The following SLC35F3 variants were observed in gnomAD, a reference collection of about 807,000 sequenced individuals.
SLC35F3 encodes the protein putative thiamine transporter SLC35F3.
In SLC35F3, 25 loss-of-function variants were observed where a neutral mutation model predicts 49.9. That is an observed-to-expected ratio of 0.50 (90% CI 0.37 to 0.70). The LOEUF (loss-of-function observed/expected upper bound fraction) is 0.70. Among genes scored for constraint, SLC35F3 ranks in the 30% least tolerant of loss-of-function variants. SLC35F3 has a pLI of 0.00. For missense variants in SLC35F3, 525 were observed against 639.8 expected (o/e 0.82, Z 1.94); for synonymous variants, 275 against 265.4 (o/e 1.04, Z -0.35).
chr1:234,141,566 A>T (rs905395535), intron 2 of SLC35F3, among the ~76,000 whole-genome samples: 7 of 152,178 alleles, frequency 4.6e-5, no homozygotes, highest in Admixed American at 4.6e-4. Context: ...GTTTTGTGCT[A>T]AGAACACTTA....
intron 2 of SLC35F3, among the ~76,000 whole-genome samples, chr1:234,176,181 A>G (rs1361517405): frequency 6.6e-6 from 1 of 152,206 alleles, no homozygotes; most frequent in Non-Finnish European, 1.5e-5. Context: ...TCTGCCGCCA[A>G]GAAGCTCTGA....
In SLC35F3 at chr1:234,108,281, T is replaced by TATTTATATATATAAATGATATA. The variant is rs1185374095; in HGVS notation, c.284-123136_284-123135insATTTATATATATAAATGATATA. On this transcript the variant is annotated intron_variant, in intron 2 of 7. Coordinates refer to ENST00000366618, the MANE Select transcript of SLC35F3 (RefSeq NM_173508.4). ...TATTTATATATATAAAAGATATATATTATTTATATATAAAGATATATATTT... is the reference window on the plus strand; with the variant it reads ...TATTTATATATATAAAAGATATATATATTTATATATATAAATGATATATATTTATATATAAAGATATATATTT... 2.1e-4 allele frequency among the ~76,000 whole-genome samples: 10 copies of TATTTATATATATAAATGATATA among 47,270 alleles called. 2 individuals are homozygous for TATTTATATATATAAATGATATA. Among genetic ancestry groups the TATTTATATATATAAATGATATA allele is most frequent in the East Asian group, 1.1e-3 (2 of 1,808 alleles). 31.0% of individuals were successfully genotyped at this position (47,270 alleles called of 152,430 possible). A position where few individuals can be genotyped will look rare whatever the true frequency, so the allele number is the denominator to read the frequency against.
intron 4 of SLC35F3, among the ~76,000 whole-genome samples, chr1:234,311,632 A>T (rs1349376310): frequency 2.0e-5 from 3 of 152,216 alleles, no homozygotes; most frequent in Non-Finnish European, 2.9e-5. Flanking sequence ...AAGGAAGCAA[A>T]CGTGTCTTAT....
In SLC35F3 at chr1:234,078,187, T is replaced by C. The variant is rs370679248; in HGVS notation, c.284-153230T>C. Among the ~76,000 whole-genome samples the C allele has an allele frequency of 3.3e-5, 5 of 152,220 alleles. No homozygotes were observed. In the East Asian group the frequency reaches 7.7e-4, roughly 23 times the overall value. Reference sequence around the variant, plus strand: ...AGGTTCCTTTCCTCTACCATTTAAATTGGTCTTAAGTCTTTCTCATATTAA... The same window carrying C: ...AGGTTCCTTTCCTCTACCATTTAAACTGGTCTTAAGTCTTTCTCATATTAA... On this transcript the variant is annotated intron_variant, in intron 2 of 7. Transcript: ENST00000366618.
chr1:234,068,498 C>G (rs1024053244), intron 2 of SLC35F3, among the ~76,000 whole-genome samples: 10 of 152,112 alleles, frequency 6.6e-5, no homozygotes, highest in African/African-American at 2.4e-4. Context: ...GCTGGGACTA[C>G]AGGCGCGTGC....
At chr1:234,243,507 G>C (rs77396709) in intron 3 of SLC35F3, among the ~76,000 whole-genome samples, 1,781 of 152,284 alleles carry the variant, frequency 0.012, 19 homozygotes, top group Non-Finnish European at 0.017. Context: ...ATGTTTTCTC[G>C]CATGTAGCAA....
intron 2 of SLC35F3, among the ~76,000 whole-genome samples, chr1:234,031,989 C>A (rs894169515): frequency 8.5e-5 from 13 of 152,128 alleles, no homozygotes; most frequent in Non-Finnish European, 1.6e-4. Flanking sequence ...TGCACCCCTC[C>A]AACCCATCCA....
chr1:233,905,811 T>TC, intron 2 of SLC35F3, 53 bp downstream of exon 2: 1 of 1,506,646 alleles, frequency 6.6e-7, no homozygotes, highest in Non-Finnish European at 9.1e-7. Context: ...TTCTTACCAT[T>TC]GTCACAGCAG....
Position 234,176,267 on chromosome 1 carries a change from G to A in SLC35F3, c.284-55150G>A, listed in dbSNP as rs540480014. Among the ~76,000 whole-genome samples, 39 of 152,278 alleles carry A rather than the reference G, an allele frequency of 2.6e-4. No homozygotes were observed. The South Asian group carries it at 6.8e-3, about 27-fold the overall frequency. ...AGAGGAAGAATCACACAGCAGTTGC[G>A]GATGGCTAGAGATTTCAAGTGTTTT... is the stretch of plus-strand genomic sequence containing the variant. On this transcript the variant is annotated intron_variant, in intron 2 of 7. Coordinates refer to ENST00000366618, the MANE Select transcript of SLC35F3 (RefSeq NM_173508.4).
chr1:233,921,499 A>G (rs1306027586), intron 2 of SLC35F3, among the ~76,000 whole-genome samples: 1 of 152,204 alleles, frequency 6.6e-6, no homozygotes. Context: ...ACAGTATCAT[A>G]ACGAATAGTT....
At chr1:233,930,722 G>C (rs1662229971) in intron 2 of SLC35F3, among the ~76,000 whole-genome samples, 1 of 152,136 alleles carries the variant, frequency 6.6e-6, no homozygotes, top group Admixed American at 6.5e-5. Context: ...GTTCATTATA[G>C]CTTATTGTAT....
At chr1:233,962,915 A>C (rs1189908020) in intron 2 of SLC35F3, among the ~76,000 whole-genome samples, 1 of 152,190 alleles carries the variant, frequency 6.6e-6, no homozygotes, top group Non-Finnish European at 1.5e-5. Context: ...CGGACCTTGT[A>C]ATGAAGAAAG....
At chr1:234,160,838 GAC>G (rs1666217540) in intron 2 of SLC35F3, among the ~76,000 whole-genome samples, 1 of 152,212 alleles carries the variant, frequency 6.6e-6, no homozygotes, top group African/African-American at 2.4e-5. Context: ...ATGCATATTG[GAC>G]ACACATCAAA....
intron 3 of SLC35F3, among the ~76,000 whole-genome samples, chr1:234,255,123 G>T (rs1572118052): frequency 6.6e-6 from 1 of 152,280 alleles, no homozygotes; most frequent in East Asian, 1.9e-4. Context: ...TCTGATGAAA[G>T]ACTGATATCT....
intron 2 of SLC35F3, among the ~76,000 whole-genome samples, chr1:234,093,958 C>T (rs148485882): frequency 6.6e-6 from 1 of 152,350 alleles, no homozygotes; most frequent in East Asian, 1.9e-4. Context: ...TGGCCAAGAA[C>T]AGTGCTTGCT....
At chr1:233,971,728 A>T (rs955212070) in intron 2 of SLC35F3, among the ~76,000 whole-genome samples, 3 of 151,670 alleles carry the variant, frequency 2.0e-5, no homozygotes, top group Non-Finnish European at 4.4e-5. Context: ...AAAAAAAAAA[A>T]AAAAAAGATA....
At chr1:234,175,131 C>T (rs1175161189) in intron 2 of SLC35F3, among the ~76,000 whole-genome samples, 2 of 152,194 alleles carry the variant, frequency 1.3e-5, no homozygotes, top group Non-Finnish European at 2.9e-5. Context: ...GGGCTGTCAC[C>T]ATAGTTACCC....
At chr1:234,271,061 C>A (rs1289457663) in intron 3 of SLC35F3, among the ~76,000 whole-genome samples, 1 of 152,256 alleles carries the variant, frequency 6.6e-6, no homozygotes, top group African/African-American at 2.4e-5. Flanking sequence ...GTGTGCATTT[C>A]TTGGATTCTA....
chr1:234,059,043 T>A (rs536763226), intron 2 of SLC35F3, among the ~76,000 whole-genome samples: 1 of 152,302 alleles, frequency 6.6e-6, no homozygotes, highest in African/African-American at 2.4e-5. Context: ...CTGATTCTAA[T>A]CATTTGAGTT....
Sources: allele counts gnomAD v4.1 joint callset (sites outside exome capture counted in the v4.1 genomes callset), GRCh38; gene constraint gnomAD v4.1.1; transcripts MANE v1.5; gene names NCBI Gene and HGNC (gene_info 2026-07-23, HGNC 2026-07-21).